Variants in RANBP2 observed in about 807,000 individuals in gnomAD.
The protein encoded by RANBP2 is RAN binding protein 2.
RANBP2 carries 57 observed loss-of-function variants against 303.6 expected under a neutral mutation model. That is an observed-to-expected ratio of 0.19 (90% confidence interval 0.15 to 0.23). The LOEUF is 0.23. RANBP2 is among the 10% of genes least tolerant of loss of function. The pLI is 1.00. For missense variants in RANBP2, 3,138 were observed against 3,780.8 expected (o/e 0.83, Z 4.46); for synonymous variants, 1,167 against 1,301.5 (o/e 0.90, Z 2.23).
At chr2:109,474,292 C>T in the RANBP2 span, among the ~76,000 whole-genome samples, 569 of 152,182 alleles carry the variant, frequency 3.7e-3, 7 homozygotes, top group African/African-American at 0.013. Flanking sequence ...AGTTTTGAGC[C>T]GGACAGTTAG....
the RANBP2 span, among the ~76,000 whole-genome samples, chr2:108,875,317 A>G: frequency 2.5e-5 from 1 of 39,468 alleles, no homozygotes; most frequent in African/African-American, 5.0e-5. Context: ...CTTAAAGTAT[A>G]ATAAAAAAAA....
the RANBP2 span, among the ~76,000 whole-genome samples, chr2:109,580,047 A>T: frequency 6.6e-6 from 1 of 151,922 alleles, no homozygotes; most frequent in Non-Finnish European, 1.5e-5. Context: ...TCTGAACCTG[A>T]GAGATGGAGG....
At chr2:108,742,871 C>T (rs1169318934) in intron 7 of RANBP2, among the ~76,000 whole-genome samples, 1 of 152,176 alleles carries the variant, frequency 6.6e-6, no homozygotes, top group Non-Finnish European at 1.5e-5. Flanking sequence ...TCACTGCAAG[C>T]TCCACCTCCT....
the RANBP2 span, among the ~76,000 whole-genome samples, chr2:109,583,939 T>C: frequency 9.1e-4 from 138 of 152,174 alleles, no homozygotes; most frequent in African/African-American, 3.3e-3. Context: ...GATCTAAACA[T>C]TGGGTACACA....
the RANBP2 span, among the ~76,000 whole-genome samples, chr2:109,193,629 T>C: frequency 6.6e-6 from 1 of 152,212 alleles, no homozygotes; most frequent in Non-Finnish European, 1.5e-5. Context: ...ATGCACCACA[T>C]TTCTTTCTCC....
the RANBP2 span, among the ~76,000 whole-genome samples, chr2:108,830,755 C>A: frequency 6.6e-6 from 1 of 151,948 alleles, no homozygotes; most frequent in African/African-American, 2.4e-5. Context: ...TTGCAGTGAT[C>A]TGAGATCACG....
chr2:109,563,032 T>C, the RANBP2 span, among the ~76,000 whole-genome samples: 1 of 152,030 alleles, frequency 6.6e-6, no homozygotes, highest in Non-Finnish European at 1.5e-5. Context: ...TACCTCAGCC[T>C]CCTGAGTAGC....
At chr2:108,964,018 C>T in the RANBP2 span, among the ~76,000 whole-genome samples, 1 of 152,226 alleles carries the variant, frequency 6.6e-6, no homozygotes, top group African/African-American at 2.4e-5. Context: ...ACTATGGCCT[C>T]TGTGGCTGCT....
At chr2:109,209,211 G>A in the RANBP2 span, among the ~76,000 whole-genome samples, 2 of 152,332 alleles carry the variant, frequency 1.3e-5, no homozygotes, top group Non-Finnish European at 2.9e-5. Context: ...CTCATATGCC[G>A]TGGCATCAAC....
At chr2:108,812,560 G>T in the RANBP2 span, 1 of 1,122,926 alleles carries the variant, frequency 8.9e-7, no homozygotes, top group South Asian at 1.3e-5. Context: ...TTAGATAGTA[G>T]ATTGGGAAAC....
chr2:109,418,985 C>T, the RANBP2 span, among the ~76,000 whole-genome samples: 1 of 152,090 alleles, frequency 6.6e-6, no homozygotes, highest in Non-Finnish European at 1.5e-5. Flanking sequence ...GCTGACCGTT[C>T]CTCGGGTCAT....
the RANBP2 span, chr2:108,894,391 A>G: frequency 6.5e-6 from 1 of 152,716 alleles, no homozygotes; most frequent in South Asian, 2.1e-4. Flanking sequence ...CCAGGAACAG[A>G]GCAATCAGAA....
At chr2:109,464,138 A>G in the RANBP2 span, among the ~76,000 whole-genome samples, 1 of 152,310 alleles carries the variant, frequency 6.6e-6, no homozygotes, top group Non-Finnish European at 1.5e-5. Flanking sequence ...TTCTTCTAAA[A>G]TACTTCCAGG....
At chr2:109,553,038 T>G in the RANBP2 span, 5 of 1,586,896 alleles carry the variant, frequency 3.2e-6, no homozygotes, top group Admixed American at 1.8e-5. Context: ...TCCAAATTAA[T>G]AGGACATCTA....
chr2:109,680,477 AG>A, the RANBP2 span, among the ~76,000 whole-genome samples: 2 of 152,350 alleles, frequency 1.3e-5, no homozygotes, highest in Admixed American at 6.5e-5. Flanking sequence ...CTGGAAACTC[AG>A]GAAAGGTTAT....
the RANBP2 span, among the ~76,000 whole-genome samples, chr2:109,387,597 G>A: frequency 3.3e-5 from 5 of 152,266 alleles, no homozygotes; most frequent in South Asian, 1.0e-3. Flanking sequence ...TGGCTCACAG[G>A]TCAGTTTCCC....
At chr2:109,602,438 G>T in the RANBP2 span, among the ~76,000 whole-genome samples, 1 of 152,126 alleles carries the variant, frequency 6.6e-6, no homozygotes, top group Non-Finnish European at 1.5e-5. Context: ...CACCTTGGGA[G>T]GCCAAGGCGG....
the RANBP2 span, among the ~76,000 whole-genome samples, chr2:108,917,659 G>A: frequency 1.3e-5 from 2 of 152,086 alleles, no homozygotes; most frequent in African/African-American, 2.4e-5. Context: ...GGGGTCAAAC[G>A]GGAGGCGGTG....
the RANBP2 span, among the ~76,000 whole-genome samples, chr2:109,766,790 GA>G: frequency 5.3e-5 from 8 of 149,902 alleles, no homozygotes; most frequent in Non-Finnish European, 1.0e-4. Flanking sequence ...TTGCCTGTTT[GA>G]TTTTTTTTTA....
Sources: allele counts gnomAD v4.1 joint callset (sites outside exome capture counted in the v4.1 genomes callset), GRCh38; gene constraint gnomAD v4.1.1; transcripts MANE v1.5; gene names NCBI Gene and HGNC (gene_info 2026-07-23, HGNC 2026-07-21).